Variants in IMPDH1 observed in about 807,000 individuals in gnomAD.
IMPDH1 encodes inosine-5'-monophosphate dehydrogenase 1.
In IMPDH1, 41 loss-of-function variants were observed where a neutral mutation model predicts 73.5. The ratio of observed to expected loss-of-function variants is 0.56; its 90% CI spans 0.43 to 0.72. IMPDH1 has a LOEUF of 0.72. Ranked by LOEUF, IMPDH1 falls within the 30% of genes least tolerant of loss-of-function variation. IMPDH1 has a pLI of 0.00. For synonymous variants in IMPDH1, 318 were observed against 334.3 expected, an observed-to-expected ratio of 0.95 and a Z score of 0.53; for missense variants, 645 against 824.8, an observed-to-expected ratio of 0.78 and a Z score of 2.67.
At chr7:128,409,162 T>C in intron 3 of IMPDH1, 127 bp downstream of exon 3, 1 of 838,478 alleles carries the variant, frequency 1.2e-6, no homozygotes, top group Non-Finnish European at 2.0e-6. Context: ...CTACTCTTCC[T>C]CCAGTGTCCC....
At chr7:128,406,552 T>G (rs1798794185) in intron 3 of IMPDH1, among the ~76,000 whole-genome samples, 1 of 151,856 alleles carries the variant, frequency 6.6e-6, no homozygotes, top group African/African-American at 2.4e-5. Flanking sequence ...ATAATGACAC[T>G]CCTTGACCTT....
chr7:128,397,967 A>G (rs1173099173), intron 10 of IMPDH1, among the ~76,000 whole-genome samples: 1 of 152,190 alleles, frequency 6.6e-6, no homozygotes, highest in East Asian at 1.9e-4. Context: ...GCTCCTACTT[A>G]TAAGTGAGGG....
intron 2 of IMPDH1, 34 bp from the exon 3 acceptor site, chr7:128,409,386 G>C: frequency 1.2e-6 from 2 of 1,614,174 alleles, no homozygotes; most frequent in Non-Finnish European, 1.7e-6. Context: ...GGTAAGCCAA[G>C]TCAGTCGGAC....
chr7:128,405,121 C>A (rs1309890613), intron 4 of IMPDH1, among the ~76,000 whole-genome samples: 5 of 152,234 alleles, frequency 3.3e-5, no homozygotes, highest in African/African-American at 7.2e-5. Context: ...GCACGCAGGG[C>A]AACTGGCCTA....
chr7:128,395,421 G>A, intron 12 of IMPDH1, 147 bp from the exon 13 acceptor site: 4 of 943,786 alleles, frequency 4.2e-6, no homozygotes, highest in Non-Finnish European at 4.8e-6. Flanking sequence ...GCATAACATA[G>A]GTGCTGGCAA....
In IMPDH1 at chr7:128,409,748, G is replaced by C. The variant is rs1050611257; in HGVS notation, c.146+8C>G. The C allele has an allele frequency of 1.3e-6, 2 of 1,525,254 alleles. No homozygotes were observed. The highest frequency in any genetic ancestry group is 2.8e-5 in the African/African-American group (2 of 71,918). The allele number at this position is 1,525,254 out of a possible 1,614,324, so 94.5% of individuals were successfully genotyped here. ...GATGCGCCCCGCGCGCTCTGCCCTG[G>C]GCGTCACCTCTCGGGCTCGTAGCCG... On this transcript the variant is annotated splice_region_variant and intron_variant, in intron 1 of 16. Transcript: ENST00000338791.
At position 128,396,209 on chromosome 7, in the gene IMPDH1, G is replaced by A. The variant is rs1015467528; in HGVS notation, c.1261+391C>T. 2.0e-5 allele frequency among the ~76,000 whole-genome samples: 3 copies of A among 152,166 alleles called. No homozygotes were observed. The highest frequency in any genetic ancestry group is 7.2e-5 in the African/African-American group (3 of 41,436). On this transcript the variant is annotated intron_variant, in intron 12 of 16. Coordinates refer to ENST00000338791, the MANE Select transcript of IMPDH1 (RefSeq NM_000883.4). This position sits in a 1 kb window ranked among gnomAD's most constrained non-coding sequence, Gnocchi z 4.0. ...TTTGTAATTGGGTGGAACTCCCCACGCCCAACCACATGGTGAAGCAGGTGT... is the reference window on the plus strand; with the variant it reads ...TTTGTAATTGGGTGGAACTCCCCACACCCAACCACATGGTGAAGCAGGTGT...
chr7:128,400,195 G>C lies in IMPDH1; in HGVS notation c.787-13C>G. 1 of 1,614,096 alleles carries C rather than the reference G, an allele frequency of 6.2e-7. No homozygotes were observed. The highest frequency in any genetic ancestry group is 1.3e-5 in the African/African-American group (1 of 75,040). On this transcript the variant is annotated splice_polypyrimidine_tract_variant and intron_variant, in intron 8 of 16. Transcript: ENST00000338791. ...TTGGCGTCATCACCTGTGGGGCCAG[G>C]AACATTTGCCTGCAGGTTGGCAGGT...
At chr7:128,400,637 A>C in intron 7 of IMPDH1, 98 bp from the exon 8 acceptor site, 1 of 1,332,794 alleles carries the variant, frequency 7.5e-7, no homozygotes, top group Non-Finnish European at 1.1e-6. Flanking sequence ...GCTGCAGAGA[A>C]GCCAGGACCC....
In IMPDH1 at chr7:128,405,881, G is replaced by A. The variant is rs1441430805; in HGVS notation, c.255-16C>T. On this transcript the variant is annotated splice_polypyrimidine_tract_variant and intron_variant, in intron 3 of 16. Transcript: ENST00000338791. Reference sequence around the variant, plus strand: ...GTCCGCCATGCTGCCGCGAGACCCCGCGACCCGACATAAACACCCGCGCGG... The same window carrying A: ...GTCCGCCATGCTGCCGCGAGACCCCACGACCCGACATAAACACCCGCGCGG... 2.9e-5 allele frequency: 44 copies of A among 1,516,042 alleles called. No individual in the cohort carries two copies. Among genetic ancestry groups the A allele is most frequent in the East Asian group, 5.3e-5 (2 of 37,454 alleles). 93.9% of individuals were successfully genotyped at this position (1,516,042 alleles called of 1,614,324 possible).
In IMPDH1 at chr7:128,396,907, G is replaced by A. The variant is rs377241514; in HGVS notation, c.1165+25C>T. The A allele has an allele frequency of 2.7e-5, 41 of 1,541,292 alleles. No homozygotes were observed. Among genetic ancestry groups the A allele is most frequent in the African/African-American group, 2.0e-4 (15 of 73,476 alleles). On this transcript the variant is annotated intron_variant, in intron 11 of 16. Transcript: ENST00000338791. The surrounding 1 kb of genome is among the most constrained non-coding windows in gnomAD (Gnocchi z 4.0). ...ACTCATTGGAGGGGCAGGAGCAGGC[G>A]GGTGGGAGGCGACCCCGCACTCACC... is the stretch of plus-strand genomic sequence containing the variant.
At position 128,405,801 on chromosome 7, in the gene IMPDH1, G is replaced by A; in HGVS notation, c.319C>T (p.Gln107Ter). Residue 107 changes from glutamine (Q) to a stop codon, truncating the protein, a stop_gained, in exon 4 of 17, where the codon CAG becomes TAG. Coordinates refer to ENST00000338791, the MANE Select transcript of IMPDH1 (RefSeq NM_000883.4). LOFTEE classifies it high-confidence loss of function. ...AGGCCGTCGGCGCTGGCGAAGAGCT[G>A]CTGCGCGGTGAGCCCATCCTCGGGC... ...YVPEDGLTAQ[Q>*]LFASADGLTY... is the part of the protein sequence containing the mutation. The A allele has an allele frequency of 6.5e-7, 1 of 1,542,956 alleles. No individual in the cohort carries two copies. Among genetic ancestry groups the A allele is most frequent in the Non-Finnish European group, 8.7e-7 (1 of 1,145,866 alleles).
At position 128,403,590 on chromosome 7, in the gene IMPDH1, C is replaced by T. The variant is rs772669528; in HGVS notation, c.402+116G>A. On this transcript the variant is annotated intron_variant, in intron 5 of 16. Transcript: ENST00000338791. ...AAAAAAAAAAAGGACTATATCCTATCCACCCATTCCCAAGAAAAGTCTCTC... is the reference window on the plus strand; with the variant it reads ...AAAAAAAAAAAGGACTATATCCTATTCACCCATTCCCAAGAAAAGTCTCTC... 275 of 837,258 alleles carry T rather than the reference C, an allele frequency of 3.3e-4. 1 individual carries two copies. The Middle Eastern group carries it at 6.5e-3, about 20-fold the overall frequency. 51.9% of individuals were successfully genotyped at this position (837,258 alleles called of 1,614,324 possible).
At position 128,396,864 on chromosome 7, in the gene IMPDH1, G is replaced by T; in HGVS notation, c.1165+68C>A. 1 of 1,284,926 alleles carries T rather than the reference G, an allele frequency of 7.8e-7. No homozygotes were observed. Among genetic ancestry groups the T allele is most frequent in the Non-Finnish European group, 1.1e-6 (1 of 881,578 alleles). The allele number at this position is 1,284,926 out of a possible 1,614,324, so 79.6% of individuals were successfully genotyped here. ...AGCCATACCATCACCTAGGGATGCT[G>T]AAGGACAGAAAAGGGTTACTCATTG... is the stretch of plus-strand genomic sequence containing the variant. On this transcript the variant is annotated intron_variant, in intron 11 of 16. Coordinates refer to ENST00000338791, the MANE Select transcript of IMPDH1 (RefSeq NM_000883.4). This position sits in a 1 kb window ranked among gnomAD's most constrained non-coding sequence, Gnocchi z 4.0.
intron 4 of IMPDH1, 121 bp downstream of exon 4, chr7:128,405,637 AGCCCCCAGC>A: frequency 2.3e-6 from 3 of 1,318,712 alleles, no homozygotes. Context: ...TCCCGTGCCC[AGCCCCCAGC>A]GCCCACAGCA....
At position 128,396,809 on chromosome 7, in the gene IMPDH1, C is replaced by T; in HGVS notation, c.1166-114G>A. On this transcript the variant is annotated intron_variant, in intron 11 of 16. Transcript: ENST00000338791. The surrounding 1 kb of genome is among the most constrained non-coding windows in gnomAD (Gnocchi z 4.0). ...CCCAACCCCCCTACAGTGACCAAAG[C>T]CCATCATGCTCCCTGCCACCCATGC... The T allele has an allele frequency of 8.7e-7, 1 of 1,143,384 alleles. No individual in the cohort carries two copies. Among genetic ancestry groups the T allele is most frequent in the Admixed American group, 2.0e-5 (1 of 50,766 alleles). 70.8% of individuals were successfully genotyped at this position (1,143,384 alleles called of 1,614,324 possible).
Position 128,392,997 on chromosome 7 carries a change from A to G in IMPDH1, c.*10T>C. The G allele has an allele frequency of 6.2e-7, 1 of 1,613,740 alleles. No homozygotes were observed. The highest frequency in any genetic ancestry group is 8.5e-7 in the Non-Finnish European group (1 of 1,179,754). ...CATCCCCTCCACCACCTCGGCCTCC[A>G]CCGCTGTCCTCAGTACAGCCGCTTT... On this transcript the variant is annotated 3_prime_UTR_variant, in exon 17 of 17. Transcript: ENST00000338791.
At chr7:128,404,714 A>G (rs1216803152) in intron 4 of IMPDH1, among the ~76,000 whole-genome samples, 1 of 152,130 alleles carries the variant, frequency 6.6e-6, no homozygotes, top group Non-Finnish European at 1.5e-5. Flanking sequence ...TTCAATGACA[A>G]CTGTATCAAA....
intron 3 of IMPDH1, among the ~76,000 whole-genome samples, chr7:128,407,407 G>T (rs568711546): frequency 2.8e-4 from 42 of 152,296 alleles, no homozygotes; most frequent in African/African-American, 9.4e-4. Flanking sequence ...GCGATGTGTG[G>T]GAAGCACCTC....
Sources: gnomAD v4.1 joint callset for allele counts (sites outside exome capture counted in the v4.1 genomes callset) on GRCh38, gnomAD v4.1.1 for gene constraint, Gnocchi (gnomAD v3.1) non-coding constraint, MANE v1.5 for transcripts, NCBI Gene and HGNC (gene_info 2026-07-23, HGNC 2026-07-21) for gene names.